The following ITPKB variants were observed in gnomAD, a reference collection of about 807,000 sequenced individuals.
ITPKB encodes inositol-trisphosphate 3-kinase B.
In ITPKB, 13 loss-of-function variants were observed where a neutral mutation model predicts 69.4. That is an observed-to-expected ratio of 0.19 (90% CI 0.12 to 0.30). The LOEUF is 0.30. Among genes scored for constraint, ITPKB ranks in the 10% least tolerant of loss-of-function variants. ITPKB has a pLI of 1.00. For missense variants in ITPKB, 1,240 were observed against 1,250.5 expected (o/e 0.99, Z 0.13); for synonymous variants, 584 against 513.7 (o/e 1.14, Z -1.85).
intron 2 of ITPKB, among the ~76,000 whole-genome samples, chr1:226,687,940 C>T (rs1270310930): frequency 6.6e-6 from 1 of 152,210 alleles, no homozygotes; most frequent in African/African-American, 2.4e-5. Flanking sequence ...CCTACAACCT[C>T]AAGAGTCTTT....
At chr1:226,717,699 AT>A (rs774590558) in intron 2 of ITPKB, among the ~76,000 whole-genome samples, 33 of 152,224 alleles carry the variant, frequency 2.2e-4, no homozygotes, top group Non-Finnish European at 4.6e-4. Flanking sequence ...AGGTGATGGC[AT>A]GTGGGCAGGG....
intron 2 of ITPKB, 55 bp from the exon 3 acceptor site, chr1:226,648,826 G>C (rs1669114589): frequency 3.2e-6 from 4 of 1,243,362 alleles, no homozygotes; most frequent in South Asian, 2.4e-5. Context: ...CTAATTTCTG[G>C]TTAGGACAAA....
intron 2 of ITPKB, among the ~76,000 whole-genome samples, chr1:226,718,520 G>A (rs577984158): frequency 6.6e-6 from 1 of 152,132 alleles, no homozygotes; most frequent in Admixed American, 6.5e-5. Context: ...AGGATCCCTT[G>A]AATCTAGGAA....
intron 2 of ITPKB, among the ~76,000 whole-genome samples, chr1:226,730,193 G>A (rs1657548387): frequency 2.0e-5 from 3 of 152,150 alleles, no homozygotes; most frequent in Admixed American, 2.0e-4. Flanking sequence ...CAGTCAGATG[G>A]ACCAGACCCA....
At chr1:226,669,854 GT>G (rs1319672391) in intron 2 of ITPKB, among the ~76,000 whole-genome samples, 1 of 150,946 alleles carries the variant, frequency 6.6e-6, no homozygotes, top group Non-Finnish European at 1.5e-5. Context: ...CAAAAAAAAT[GT>G]TTTTTTGGTT....
chr1:226,708,407 C>A (rs1656863224), intron 2 of ITPKB, among the ~76,000 whole-genome samples: 1 of 152,192 alleles, frequency 6.6e-6, no homozygotes, highest in East Asian at 1.9e-4. Context: ...TGGAGCTACT[C>A]CCAGAGTCAA....
intron 2 of ITPKB, among the ~76,000 whole-genome samples, chr1:226,695,439 T>C (rs1340659501): frequency 6.6e-6 from 1 of 152,196 alleles, no homozygotes; most frequent in African/African-American, 2.4e-5. Context: ...AGTTAATGTA[T>C]GGAAGGTTGG....
chr1:226,648,272 A>G (rs1056001848), intron 3 of ITPKB, among the ~76,000 whole-genome samples: 4 of 152,226 alleles, frequency 2.6e-5, no homozygotes, highest in African/African-American at 9.7e-5. Context: ...TTAGGCACAC[A>G]GTAGGTGCTC....
At chr1:226,643,126 C>T (rs903446345) in intron 4 of ITPKB, among the ~76,000 whole-genome samples, 2 of 152,222 alleles carry the variant, frequency 1.3e-5, no homozygotes, top group South Asian at 2.1e-4. Context: ...GGCCTCCACA[C>T]GAGCAGCTCC....
At chr1:226,661,702 G>A (rs544059277) in intron 2 of ITPKB, among the ~76,000 whole-genome samples, 1 of 152,276 alleles carries the variant, frequency 6.6e-6, no homozygotes, top group South Asian at 2.1e-4. Flanking sequence ...TGCAGTGCCT[G>A]GTACATACAC....
rs17587821 is a variant in ITPKB, at chr1:226,632,904, T to C, written c.*1767A>G. 1.0e-2 allele frequency: 1,521 copies of C among 152,370 alleles called. 16 individuals carry two copies. The highest frequency in any genetic ancestry group is 0.013 in the Non-Finnish European group (879 of 68,024). 9.4% of individuals were successfully genotyped at this position (152,370 alleles called of 1,614,324 possible). A position where few individuals can be genotyped will look rare whatever the true frequency, so the allele number is the denominator to read the frequency against. On this transcript the variant is annotated 3_prime_UTR_variant, in exon 8 of 8. Coordinates refer to ENST00000429204, the MANE Select transcript of ITPKB (RefSeq NM_002221.4). ...AAGCACAGACCACCAGGGTCCCTTC[T>C]AGCCCAAAAGTCACTATAGCTCCAG...
At chr1:226,648,574 A>G in intron 3 of ITPKB, 98 bp downstream of exon 3, 1 of 782,586 alleles carries the variant, frequency 1.3e-6, no homozygotes, top group South Asian at 1.4e-5. Context: ...CTTGGAGGGA[A>G]CTTGCTCTGG....
rs553072019 is a variant in ITPKB, at chr1:226,641,229, A to G, written c.2451+692T>C. Among the ~76,000 whole-genome samples, 6 of 152,374 alleles carry G rather than the reference A, an allele frequency of 3.9e-5. No individual in the cohort carries two copies. The highest frequency in any genetic ancestry group is 1.2e-4 in the African/African-American group (5 of 41,588). Reference sequence around the variant, plus strand: ...GGGGAAAGTAAATCAACATTTGAACATAATCATGTATAGGAAGCTTCTGTG... The same window carrying G: ...GGGGAAAGTAAATCAACATTTGAACGTAATCATGTATAGGAAGCTTCTGTG... On this transcript the variant is annotated intron_variant, in intron 5 of 7. Coordinates refer to ENST00000429204, the MANE Select transcript of ITPKB (RefSeq NM_002221.4). This position sits in a 1 kb window ranked among gnomAD's most constrained non-coding sequence, Gnocchi z 4.6.
chr1:226,655,356 C>A (rs1669269145), intron 2 of ITPKB, among the ~76,000 whole-genome samples: 1 of 152,238 alleles, frequency 6.6e-6, no homozygotes, highest in African/African-American at 2.4e-5. Context: ...AGGAAATGGG[C>A]CCTGCCTCCT....
intron 2 of ITPKB, among the ~76,000 whole-genome samples, chr1:226,714,930 T>TG (rs952620819): frequency 6.6e-6 from 1 of 152,182 alleles, no homozygotes; most frequent in South Asian, 2.1e-4. Context: ...TTGTCACAAA[T>TG]GGGGGGAGGT....
chr1:226,684,989 G>A (rs1262873265), intron 2 of ITPKB, among the ~76,000 whole-genome samples: 1 of 152,168 alleles, frequency 6.6e-6, no homozygotes, highest in Admixed American at 6.5e-5. Context: ...GGTCCTACAT[G>A]GGGAGAGTGG....
At chr1:226,653,784 G>A (rs541311257) in intron 2 of ITPKB, among the ~76,000 whole-genome samples, 6 of 152,324 alleles carry the variant, frequency 3.9e-5, no homozygotes, top group African/African-American at 1.2e-4. Flanking sequence ...GACCAGGCAT[G>A]AGGTCTTTCA....
intron 2 of ITPKB, among the ~76,000 whole-genome samples, chr1:226,706,400 T>C (rs1448664745): frequency 6.6e-6 from 1 of 152,224 alleles, no homozygotes; most frequent in Non-Finnish European, 1.5e-5. Context: ...AATGTGGGTT[T>C]TCTGAGCTGA....
At chr1:226,737,895 G>A (rs1240261825) in intron 1 of ITPKB, among the ~76,000 whole-genome samples, 3 of 152,162 alleles carry the variant, frequency 2.0e-5, no homozygotes, top group African/African-American at 7.2e-5. Flanking sequence ...CCCAGGCTGC[G>A]ATGCGCTTTA....
Sources: allele counts gnomAD v4.1 joint callset (sites outside exome capture counted in the v4.1 genomes callset), GRCh38; gene constraint gnomAD v4.1.1; non-coding constraint Gnocchi (gnomAD v3.1); transcripts MANE v1.5; gene names NCBI Gene and HGNC (gene_info 2026-07-23, HGNC 2026-07-21).